IQCE: variants seen among roughly 807,000 people sequenced by gnomAD.
The protein encoded by IQCE is IQ domain-containing protein E.
IQCE carries 115 observed loss-of-function variants against 96.0 expected under a neutral mutation model. The ratio of observed to expected loss-of-function variants is 1.20; its 90% CI spans 1.03 to 1.40. The LOEUF (loss-of-function observed/expected upper bound fraction) is 1.40, where lower values mean the gene tolerates loss of function less well. Among genes scored for constraint, IQCE ranks in the 40% most tolerant of loss-of-function variants. The pLI, the probability that IQCE is intolerant of heterozygous loss-of-function variation, is 0.00. For missense variants in IQCE, 1,041 were observed against 909.1 expected (o/e 1.15, Z -1.87); for synonymous variants, 412 against 371.2 (o/e 1.11, Z -1.26).
chr7:2,573,371 T>C, intron 5 of IQCE, 47 bp from the exon 6 acceptor site: 1 of 894,762 alleles, frequency 1.1e-6, no homozygotes, highest in Non-Finnish European at 1.9e-6. Flanking sequence ...AAGAATTCTT[T>C]CTACTTTGTA....
intron 6 of IQCE, among the ~76,000 whole-genome samples, chr7:2,573,964 C>T (rs147527954): frequency 3.9e-5 from 6 of 152,294 alleles, no homozygotes; most frequent in East Asian, 3.9e-4. Context: ...GACTCAGCGA[C>T]GTTAGTGGTC....
rs1446221892 is a variant in IQCE, at chr7:2,586,250, G to C, written c.867G>C (p.Lys289Asn). 2.5e-6 allele frequency: 4 copies of C among 1,613,910 alleles called. No homozygotes were observed. The highest frequency in any genetic ancestry group is 3.4e-6 in the Non-Finnish European group (4 of 1,179,978). The change falls in exon 12 of 22, where the codon AAG becomes AAC. Residue 289 changes from lysine (K) to asparagine (N), a missense_variant. Physicochemically the swap from Lys to Asn is moderately conservative, Grantham distance 94 (BLOSUM62 0). Coordinates refer to ENST00000402050, the MANE Select transcript of IQCE (RefSeq NM_152558.5). Reference sequence around the variant, plus strand: ...AGACGGGCGCCAAAAGGCAGAAGAAGATGGGCAGTGCCCTCCTGAGCTTGT... The same window carrying C: ...AGACGGGCGCCAAAAGGCAGAAGAACATGGGCAGTGCCCTCCTGAGCTTGT... ...EKKTGAKRQK[K>N]MGSALLSLSR...
intron 3 of IQCE, among the ~76,000 whole-genome samples, chr7:2,569,846 C>A (rs891913911): frequency 2.6e-5 from 4 of 152,118 alleles, no homozygotes; most frequent in African/African-American, 9.7e-5. Context: ...TTAGGTAAAT[C>A]CCTGCACAGA....
intron 14 of IQCE, among the ~76,000 whole-genome samples, chr7:2,592,169 T>TG (rs1244606996): frequency 6.6e-6 from 1 of 152,244 alleles, no homozygotes; most frequent in Non-Finnish European, 1.5e-5. Context: ...TGCTGCCTGC[T>TG]GTGAACAGTA....
intron 1 of IQCE, among the ~76,000 whole-genome samples, chr7:2,559,994 A>G (rs1044910558): frequency 6.6e-6 from 1 of 152,074 alleles, no homozygotes; most frequent in South Asian, 2.1e-4. Context: ...CCCCATCTCT[A>G]CAAAAAACCA....
intron 17 of IQCE, among the ~76,000 whole-genome samples, chr7:2,600,459 A>T (rs1425643399): frequency 6.6e-6 from 1 of 152,184 alleles, no homozygotes; most frequent in Non-Finnish European, 1.5e-5. Context: ...GTCTGTCCCC[A>T]CCACCTTTCC....
chr7:2,588,319 T>C (rs551008036), intron 13 of IQCE, among the ~76,000 whole-genome samples: 3 of 152,334 alleles, frequency 2.0e-5, no homozygotes, highest in Admixed American at 6.5e-5. Context: ...GCTGATTCTA[T>C]TGGAATTGGA....
rs762678761 is a variant in IQCE at position 2,594,938 on chromosome 7, AAAG to A, written c.1407_1409del (p.Glu470del). The A allele has an allele frequency of 4.3e-6, 7 of 1,613,920 alleles. No individual in the cohort carries two copies. The Admixed American group carries it at 1.2e-4, about 27-fold the overall frequency. On this transcript the variant is annotated inframe_deletion, in exon 16 of 22. Transcript: ENST00000402050. ...GCTCCAAGAATTGCAAGAAATGAAG[AAAG>A]AAGAGAAAGAGGATTGCCCGGAAGT...
At chr7:2,600,049 C>T (rs535381629) in intron 17 of IQCE, among the ~76,000 whole-genome samples, 73 of 152,166 alleles carry the variant, frequency 4.8e-4, no homozygotes, top group African/African-American at 1.8e-3. Flanking sequence ...CTGCCTTGGT[C>T]TCCCAAAGTG....
intron 14 of IQCE, 30 bp from the exon 15 acceptor site, chr7:2,592,992 C>T (rs373912473): frequency 4.7e-5 from 73 of 1,567,656 alleles, no homozygotes; most frequent in Admixed American, 4.4e-4. Context: ...TTTTTGTGAA[C>T]GCTGACGAGT....
At position 2,610,390 on chromosome 7, in the gene IQCE, G is replaced by T. The variant is rs1345960544; in HGVS notation, c.*228G>T. The T allele has an allele frequency of 4.1e-6, 2 of 485,582 alleles. No homozygotes were observed. Among genetic ancestry groups the T allele is most frequent in the Non-Finnish European group, 7.5e-6 (2 of 267,848 alleles). The allele number at this position is 485,582 out of a possible 1,614,324, so 30.1% of individuals were successfully genotyped here. On this transcript the variant is annotated 3_prime_UTR_variant, in exon 22 of 22. Coordinates refer to ENST00000402050, the MANE Select transcript of IQCE (RefSeq NM_152558.5). ...CGCATCCCCCTCATCTCCAGCTGCAGCTCGGATGGTGGATTTTCAGTGCCA... is the reference window on the plus strand; with the variant it reads ...CGCATCCCCCTCATCTCCAGCTGCATCTCGGATGGTGGATTTTCAGTGCCA...
At chr7:2,570,774 T>C (rs1781699393) in intron 3 of IQCE, among the ~76,000 whole-genome samples, 1 of 152,176 alleles carries the variant, frequency 6.6e-6, no homozygotes, top group South Asian at 2.1e-4. Context: ...TCATACAAAA[T>C]CAAGAATGCC....
In IQCE at chr7:2,598,578, A is replaced by G. The variant is rs1307496035; in HGVS notation, c.1554A>G (p.Arg518=). 6.2e-7 allele frequency: 1 copy of G among 1,606,176 alleles called. No homozygotes were observed. Among genetic ancestry groups the G allele is most frequent in the South Asian group, 1.1e-5 (1 of 90,230 alleles). The stretch of plus-strand genomic sequence containing the variant: ...CCCGCTCCCCCTGCTCTGATGGGAG[A>G]AGAGACGCCGCGGCCAGAGTCCTGC... The part of the protein sequence containing the change: ...PRPRSPCSDG[R]RDAAARVLQA... The change falls in exon 17 of 22, where the codon AGA becomes AGG. Residue 518 remains arginine, a synonymous_variant. Transcript: ENST00000402050.
chr7:2,583,221 G>T lies in IQCE; in HGVS notation c.702-416G>T, dbSNP rs142942700. On this transcript the variant is annotated intron_variant, in intron 9 of 21. Coordinates refer to ENST00000402050, the MANE Select transcript of IQCE (RefSeq NM_152558.5). ...CTAAAGTCTACTCTCTTTTGAGACC[G>T]AGGGGATGGCCTGACAGTGCCAGGG... Among the ~76,000 whole-genome samples, 116 of 152,256 alleles carry T rather than the reference G, an allele frequency of 7.6e-4. No individual in the cohort carries two copies. The Middle Eastern group carries it at 0.01, about 13-fold the overall frequency.
In IQCE at chr7:2,568,984, C is replaced by G. The variant is rs1251778535; in HGVS notation, c.115C>G (p.Pro39Ala). 1.2e-6 allele frequency: 2 copies of G among 1,613,984 alleles called. No individual in the cohort carries two copies. Among genetic ancestry groups the G allele is most frequent in the Non-Finnish European group, 8.5e-7 (1 of 1,180,004 alleles). ...KAKRKAFHKP[P>A]PTSPKSPYLS... ...AAAAAGGAAAGCTTTCCACAAACCT[C>G]CACCCACATCGCCAAGTAAGTATGA... Residue 39 changes from proline to alanine, a missense_variant, in exon 3 of 22, where the codon CCA becomes GCA. Pro to Ala is a conservative substitution (Grantham distance 27). Coordinates refer to ENST00000402050, the MANE Select transcript of IQCE (RefSeq NM_152558.5).
rs1165420317 is a variant in IQCE, at chr7:2,571,524, A to G, written c.131-2A>G. On this transcript the variant is annotated splice_acceptor_variant, in intron 3 of 21. Coordinates refer to ENST00000402050, the MANE Select transcript of IQCE (RefSeq NM_152558.5). LOFTEE classifies it high-confidence loss of function. Reference sequence around the variant, plus strand: ...TCTGAATCCACGTGTTGGCTTTTCCAGAGTCACCTTATCTCTCTAAGCCGA... The same window carrying G: ...TCTGAATCCACGTGTTGGCTTTTCCGGAGTCACCTTATCTCTCTAAGCCGA... 1 of 1,606,264 alleles carries G rather than the reference A, an allele frequency of 6.2e-7. No homozygotes were observed. The highest frequency in any genetic ancestry group is 1.7e-5 in the Admixed American group (1 of 59,990).
intron 18 of IQCE, among the ~76,000 whole-genome samples, chr7:2,602,610 G>A (rs1784510278): frequency 6.6e-6 from 1 of 152,220 alleles, no homozygotes; most frequent in Non-Finnish European, 1.5e-5. Context: ...TGCATCTGAT[G>A]TCAGCAGGGT....
At chr7:2,580,752 A>C (rs1782602684) in intron 8 of IQCE, among the ~76,000 whole-genome samples, 1 of 152,164 alleles carries the variant, frequency 6.6e-6, no homozygotes. Flanking sequence ...ATGCAGAGGG[A>C]TGTGTGTGGC....
At chr7:2,606,458 C>G (rs963660968) in intron 20 of IQCE, among the ~76,000 whole-genome samples, 1 of 152,152 alleles carries the variant, frequency 6.6e-6, no homozygotes, top group Non-Finnish European at 1.5e-5. Flanking sequence ...TGCTAGGACT[C>G]TCGGTTGCAG....
Sources: allele counts gnomAD v4.1 joint callset (sites outside exome capture counted in the v4.1 genomes callset), GRCh38; gene constraint gnomAD v4.1.1; transcripts MANE v1.5; gene names NCBI Gene and HGNC (gene_info 2026-07-23, HGNC 2026-07-21).